Variants in HPGDS observed in about 807,000 individuals in gnomAD.
HPGDS encodes GST class-sigma.
Under a neutral mutation model 23.1 loss-of-function variants are expected in HPGDS, and 26 were observed. That is an observed-to-expected ratio of 1.13 (90% confidence interval 0.83 to 1.56). The LOEUF is 1.56. Among genes scored for constraint, HPGDS ranks in the 40% most tolerant of loss-of-function variants. The pLI is 0.00. For missense variants in HPGDS, 268 were observed against 236.4 expected, an observed-to-expected ratio of 1.13 and a Z score of -0.88; for synonymous variants, 95 against 77.9, an observed-to-expected ratio of 1.22 and a Z score of -1.16.
At chr4:94,330,009 T>C (rs1450869228) in intron 2 of HPGDS, among the ~76,000 whole-genome samples, 1 of 152,242 alleles carries the variant, frequency 6.6e-6, no homozygotes, top group Non-Finnish European at 1.5e-5. Flanking sequence ...TTTTGCTCTG[T>C]GCTGTTCTTG....
intron 3 of HPGDS, among the ~76,000 whole-genome samples, chr4:94,309,050 CTTTTTTTTTTTTTT>C (rs34427506): frequency 1.6e-4 from 5 of 31,014 alleles, no homozygotes; most frequent in Non-Finnish European, 2.3e-4. Flanking sequence ...GGTGTACTTG[CTTTTTTTTTTTTTT>C]TTTTTTTTTT....
intron 5 of HPGDS, among the ~76,000 whole-genome samples, chr4:94,300,813 TAAA>T (rs1210925345): frequency 1.3e-5 from 2 of 151,812 alleles, no homozygotes; most frequent in African/African-American, 4.8e-5. Flanking sequence ...GGCTTAAATA[TAAA>T]AAAAGATTAA....
At chr4:94,313,703 A>T (rs571213550) in intron 3 of HPGDS, among the ~76,000 whole-genome samples, 1 of 152,264 alleles carries the variant, frequency 6.6e-6, no homozygotes, top group South Asian at 2.1e-4. Context: ...GGATTGGGGA[A>T]GTTCTCCTGG....
intron 1 of HPGDS, among the ~76,000 whole-genome samples, chr4:94,340,328 T>TC (rs1560598099): frequency 4.1e-4 from 10 of 24,594 alleles, no homozygotes; most frequent in South Asian, 1.3e-3. Context: ...TTTTTTTTTT[T>TC]TTTTTTTTTT....
chr4:94,301,348 G>A (rs1756037028), intron 5 of HPGDS, among the ~76,000 whole-genome samples: 1 of 152,144 alleles, frequency 6.6e-6, no homozygotes, highest in Non-Finnish European at 1.5e-5. Context: ...TAACTTTTTT[G>A]TGATTATTGA....
Position 94,308,757 on chromosome 4 carries a change from A to G in HPGDS, c.227-14T>C, listed in dbSNP as rs1553924333. The stretch of plus-strand genomic sequence containing the variant: ...TTCCAGCCAAATCTGTGGAATAGAG[A>G]GAGGCCCATCAATATGTTTAATTTA... On this transcript the variant is annotated splice_polypyrimidine_tract_variant and intron_variant, in intron 3 of 5. Transcript: ENST00000295256. 6 of 1,353,160 alleles carry G rather than the reference A, an allele frequency of 4.4e-6. No homozygotes were observed. In the Middle Eastern group the frequency reaches 5.5e-4, roughly 123 times the overall value. The allele number at this position is 1,353,160 out of a possible 1,614,324, so 83.8% of individuals were successfully genotyped here. A position where few individuals can be genotyped will look rare whatever the true frequency, so the allele number is the denominator to read the frequency against.
chr4:94,320,216 A>T (rs1197890639), intron 2 of HPGDS, among the ~76,000 whole-genome samples: 1 of 152,148 alleles, frequency 6.6e-6, no homozygotes, highest in African/African-American at 2.4e-5. Context: ...GTGCTGCAAT[A>T]AACATACATG....
chr4:94,303,924 A>T (rs1756093563), intron 4 of HPGDS: 1 of 152,160 alleles, frequency 6.6e-6, no homozygotes, highest in Non-Finnish European at 1.5e-5. Context: ...ATTTCAGTCT[A>T]ATGAAATGTA....
chr4:94,315,348 C>G (rs193005953), intron 3 of HPGDS, among the ~76,000 whole-genome samples: 8 of 152,190 alleles, frequency 5.3e-5, no homozygotes, highest in Admixed American at 2.0e-4. Context: ...TTTGTTAATA[C>G]AAGCAACACT....
At chr4:94,326,509 A>AT (rs1318750438) in intron 2 of HPGDS, among the ~76,000 whole-genome samples, 2 of 151,988 alleles carry the variant, frequency 1.3e-5, no homozygotes, top group Non-Finnish European at 2.9e-5. Flanking sequence ...CTCTAGTTGT[A>AT]TTTTTTAAAT....
chr4:94,301,170 A>T (rs917773331), intron 5 of HPGDS, among the ~76,000 whole-genome samples: 1 of 152,198 alleles, frequency 6.6e-6, no homozygotes, highest in Non-Finnish European at 1.5e-5. Context: ...GAAGGGCTGA[A>T]CAGGGCAGAC....
chr4:94,340,309 CT>C (rs1721123097), intron 1 of HPGDS, among the ~76,000 whole-genome samples: 2 of 28,764 alleles, frequency 7.0e-5, no homozygotes, highest in Non-Finnish European at 1.3e-4. Context: ...TTCTTTCTTT[CT>C]CTTTTTTTTT....
chr4:94,339,068 G>C (rs1721083509), intron 1 of HPGDS, among the ~76,000 whole-genome samples: 1 of 152,160 alleles, frequency 6.6e-6, no homozygotes, highest in Non-Finnish European at 1.5e-5. Context: ...AGGACTAAAT[G>C]GTTCTGAGAC....
intron 5 of HPGDS, among the ~76,000 whole-genome samples, chr4:94,300,503 G>C (rs548228645): frequency 3.3e-5 from 5 of 152,172 alleles, no homozygotes; most frequent in African/African-American, 1.2e-4. Context: ...CTGATTGCTA[G>C]TGCCTCAGGA....
chr4:94,340,636 G>A (rs778568766), intron 1 of HPGDS, among the ~76,000 whole-genome samples: 24 of 92,666 alleles, frequency 2.6e-4, no homozygotes, highest in Non-Finnish European at 4.4e-4. Flanking sequence ...ACCGGGCCCG[G>A]CCCGCCCCCC....
At chr4:94,313,218 G>T (rs2126038394) in intron 3 of HPGDS, among the ~76,000 whole-genome samples, 1 of 152,330 alleles carries the variant, frequency 6.6e-6, no homozygotes. Flanking sequence ...AGCTGATGCA[G>T]TTTCTTCCTA....
At chr4:94,324,859 A>T (rs955598755) in intron 2 of HPGDS, among the ~76,000 whole-genome samples, 1 of 152,162 alleles carries the variant, frequency 6.6e-6, no homozygotes. Context: ...TAGAATTTTC[A>T]GCTTTTCTGC....
intron 2 of HPGDS, among the ~76,000 whole-genome samples, chr4:94,321,252 T>G (rs1172611876): frequency 6.6e-6 from 1 of 152,200 alleles, no homozygotes; most frequent in African/African-American, 2.4e-5. Flanking sequence ...GCAGGCTCTT[T>G]TTTGGTTCCA....
intron 3 of HPGDS, among the ~76,000 whole-genome samples, chr4:94,317,138 G>T (rs1376136806): frequency 6.6e-6 from 1 of 152,106 alleles, no homozygotes; most frequent in African/African-American, 2.4e-5. Flanking sequence ...TCATAGCAGT[G>T]GCAATGGTGG....
Sources: gnomAD v4.1 joint callset for allele counts (sites outside exome capture counted in the v4.1 genomes callset) on GRCh38, gnomAD v4.1.1 for gene constraint, MANE v1.5 for transcripts, NCBI Gene and HGNC (gene_info 2026-07-23, HGNC 2026-07-21) for gene names.